Variants in JAM3 observed in about 807,000 individuals in gnomAD.
JAM3 encodes junctional adhesion molecule 3.
A neutral mutation model predicts 39.4 loss-of-function variants in JAM3; 31 were observed. The ratio of observed to expected loss-of-function variants is 0.79; its 90% confidence interval spans 0.59 to 1.06. JAM3 has a LOEUF of 1.06. JAM3 is among the 50% of genes least tolerant of loss of function. JAM3 has a pLI of 0.00. For synonymous variants in JAM3, 182 were observed against 148.7 expected (o/e 1.22, Z -1.63); for missense variants, 455 against 391.4 (o/e 1.16, Z -1.37).
intron 1 of JAM3, among the ~76,000 whole-genome samples, chr11:134,126,834 T>C (rs962701626): frequency 1.3e-5 from 2 of 152,258 alleles, no homozygotes; most frequent in Non-Finnish European, 2.9e-5. Flanking sequence ...TAAATCCCAC[T>C]GATTATTAGC....
intron 3 of JAM3, among the ~76,000 whole-genome samples, chr11:134,141,337 G>C (rs566116445): frequency 1.3e-5 from 2 of 152,102 alleles, no homozygotes; most frequent in African/African-American, 4.8e-5. Flanking sequence ...ATGGAGGGAG[G>C]TGGTGATCAG....
rs1186572390 is a variant in JAM3, at chr11:134,150,114, CCT to C, written c.*937_*938del. On this transcript the variant is annotated 3_prime_UTR_variant, in exon 9 of 9. Coordinates refer to ENST00000299106, the MANE Select transcript of JAM3 (RefSeq NM_032801.5). ...ATTAAGAGTATTTTACCCAAGGAATCCTCTCATGGAAGTTTACTGTGATGTTC... is the reference window on the plus strand; with the variant it reads ...ATTAAGAGTATTTTACCCAAGGAATCCTCATGGAAGTTTACTGTGATGTTC... The C allele has an allele frequency of 6.5e-6, 1 of 154,912 alleles. No homozygotes were observed. Among genetic ancestry groups the C allele is most frequent in the Non-Finnish European group, 1.4e-5 (1 of 70,030 alleles). 9.6% of individuals were successfully genotyped at this position (154,912 alleles called of 1,614,324 possible). A position where few individuals can be genotyped will look rare whatever the true frequency, so the allele number is the denominator to read the frequency against.
intron 1 of JAM3, among the ~76,000 whole-genome samples, chr11:134,118,364 C>G (rs374032221): frequency 2.0e-5 from 3 of 152,172 alleles, no homozygotes; most frequent in Non-Finnish European, 4.4e-5. Flanking sequence ...CTCCACCCAT[C>G]ATTTTTATAT....
At chr11:134,122,423 G>A (rs1942552743) in intron 1 of JAM3, among the ~76,000 whole-genome samples, 1 of 152,170 alleles carries the variant, frequency 6.6e-6, no homozygotes. Flanking sequence ...CAGCCTGATC[G>A]TAACTGCCTT....
At chr11:134,089,793 G>T (rs1941811654) in intron 1 of JAM3, among the ~76,000 whole-genome samples, 3 of 152,270 alleles carry the variant, frequency 2.0e-5, no homozygotes, top group Admixed American at 2.0e-4. Context: ...CTTTATAGCA[G>T]CATGATTTAT....
chr11:134,084,153 T>G (rs1941709815), intron 1 of JAM3, among the ~76,000 whole-genome samples: 2 of 152,238 alleles, frequency 1.3e-5, no homozygotes, highest in Admixed American at 1.3e-4. Flanking sequence ...TTTCTTCTTT[T>G]GTTATCATGG....
At position 134,144,861 on chromosome 11, in the gene JAM3, G is replaced by T; in HGVS notation, c.479G>T (p.Cys160Phe). The T allele has an allele frequency of 6.2e-7, 1 of 1,614,158 alleles. No homozygotes were observed. Among genetic ancestry groups the T allele is most frequent in the Non-Finnish European group, 8.5e-7 (1 of 1,180,028 alleles). Residue 160 changes from cysteine (C) to phenylalanine (F), a missense_variant, in exon 5 of 9, where the codon TGC (cysteine) becomes TTC (phenylalanine). Coordinates refer to ENST00000299106, the MANE Select transcript of JAM3 (RefSeq NM_032801.5). ...VPVGKMATLHCQESEGHPRPH... is the reference protein window; with the variant it reads ...VPVGKMATLHFQESEGHPRPH... The stretch of plus-strand genomic sequence containing the variant: ...GTAGGCAAGATGGCAACACTGCACT[G>T]CCAGGAGAGTGAGGGCCACCCCCGG...
intron 1 of JAM3, among the ~76,000 whole-genome samples, chr11:134,130,015 C>T (rs1942738427): frequency 6.7e-6 from 1 of 149,714 alleles, no homozygotes; most frequent in Admixed American, 6.6e-5. Context: ...AAAAAAAAGT[C>T]AGTAAGAGTA....
At chr11:134,104,867 C>A (rs1338148928) in intron 1 of JAM3, among the ~76,000 whole-genome samples, 1 of 152,018 alleles carries the variant, frequency 6.6e-6, no homozygotes, top group Non-Finnish European at 1.5e-5. Context: ...TAATTAATAG[C>A]CTACCAACCA....
At chr11:134,128,604 G>A in intron 1 of JAM3, among the ~76,000 whole-genome samples, 1 of 152,034 alleles carries the variant, frequency 6.6e-6, no homozygotes, top group East Asian at 1.9e-4. Context: ...AAAGTGTGTG[G>A]CAGTTCCCCC....
At chr11:134,132,121 G>A (rs774754105) in intron 1 of JAM3, among the ~76,000 whole-genome samples, 7 of 152,140 alleles carry the variant, frequency 4.6e-5, no homozygotes, top group Non-Finnish European at 4.4e-5. Flanking sequence ...CAACCAAAGA[G>A]ACTCACACTG....
chr11:134,094,756 T>G (rs1306444893), intron 1 of JAM3, among the ~76,000 whole-genome samples: 1 of 152,268 alleles, frequency 6.6e-6, no homozygotes, highest in Non-Finnish European at 1.5e-5. Context: ...GCAATTGCAA[T>G]TAATTATATA....
intron 1 of JAM3, among the ~76,000 whole-genome samples, chr11:134,107,248 C>T (rs190492226): frequency 6.6e-5 from 10 of 152,182 alleles, no homozygotes; most frequent in Admixed American, 1.3e-4. Context: ...AACCAAACAC[C>T]GCATGTTGTC....
intron 1 of JAM3, among the ~76,000 whole-genome samples, chr11:134,069,690 C>T (rs968272203): frequency 2.6e-5 from 4 of 152,166 alleles, no homozygotes; most frequent in Non-Finnish European, 4.4e-5. Context: ...CTGGAACTTG[C>T]TGGAAGACCC....
At chr11:134,094,497 C>G (rs1223295691) in intron 1 of JAM3, among the ~76,000 whole-genome samples, 1 of 149,058 alleles carries the variant, frequency 6.7e-6, no homozygotes, top group South Asian at 2.2e-4. Flanking sequence ...AGGGAAACTT[C>G]TCCTGAACCC....
intron 1 of JAM3, among the ~76,000 whole-genome samples, chr11:134,109,297 G>T (rs1942264631): frequency 6.6e-6 from 1 of 152,098 alleles, no homozygotes; most frequent in East Asian, 1.9e-4. Context: ...TGTATTGGAG[G>T]TTCTAGCAGT....
chr11:134,148,910 T>G, intron 8 of JAM3, 92 bp downstream of exon 8: 1 of 1,337,476 alleles, frequency 7.5e-7, no homozygotes, highest in East Asian at 2.3e-5. Context: ...TGGGAAGATT[T>G]CTGAGTGATT....
At chr11:134,120,056 A>G (rs1344084056) in intron 1 of JAM3, among the ~76,000 whole-genome samples, 1 of 83,410 alleles carries the variant, frequency 1.2e-5, no homozygotes, top group East Asian at 3.6e-4. Flanking sequence ...CCCACCCCCC[A>G]TTTTCTCTTA....
At chr11:134,094,706 T>C (rs988060384) in intron 1 of JAM3, among the ~76,000 whole-genome samples, 1 of 152,234 alleles carries the variant, frequency 6.6e-6, no homozygotes, top group Admixed American at 6.5e-5. Context: ...ACACCCCCAT[T>C]ATACACTTTC....
Sources: gnomAD v4.1 joint callset for allele counts (sites outside exome capture counted in the v4.1 genomes callset) on GRCh38, gnomAD v4.1.1 for gene constraint, MANE v1.5 for transcripts, NCBI Gene and HGNC (gene_info 2026-07-23, HGNC 2026-07-21) for gene names.